Variants in CRISPLD2 observed in about 807,000 individuals in gnomAD.
CRISPLD2 encodes cysteine rich secretory protein LCCL domain containing 2.
CRISPLD2 carries 47 observed loss-of-function variants against 71.1 expected under a neutral mutation model. The observed-to-expected ratio is 0.66, with a 90% confidence interval of 0.52 to 0.84. CRISPLD2 has a LOEUF of 0.84. Among genes scored for constraint, CRISPLD2 ranks in the 40% least tolerant of loss-of-function variants. The pLI, the probability that CRISPLD2 is intolerant of heterozygous loss-of-function variation, is 0.00. For missense variants in CRISPLD2, 830 were observed against 651.1 expected (o/e 1.27, Z -2.99); for synonymous variants, 317 against 250.1 (o/e 1.27, Z -2.52).
At chr16:84,902,903 G>A (rs1311016299) in intron 14 of CRISPLD2, among the ~76,000 whole-genome samples, 1 of 150,032 alleles carries the variant, frequency 6.7e-6, no homozygotes, top group African/African-American at 2.5e-5. Context: ...CTCCCAGGTA[G>A]CTGGGATTAC....
chr16:84,838,772 G>T, intron 2 of CRISPLD2, 37 bp downstream of exon 2: 3 of 1,588,168 alleles, frequency 1.9e-6, no homozygotes, highest in South Asian at 1.1e-5. Context: ...CTGGCACCGG[G>T]GGTGGGGCCT....
intron 13 of CRISPLD2, among the ~76,000 whole-genome samples, chr16:84,887,642 C>T (rs909744738): frequency 4.6e-5 from 7 of 152,146 alleles, no homozygotes; most frequent in Non-Finnish European, 1.0e-4. Context: ...TTTGGGAGGC[C>T]GAGGCGTGTG....
chr16:84,886,693 C>T (rs551282402), intron 13 of CRISPLD2, among the ~76,000 whole-genome samples: 53 of 152,258 alleles, frequency 3.5e-4, no homozygotes, highest in Admixed American at 2.2e-3. Flanking sequence ...CGTGGTGGCG[C>T]ATGCCTGCGA....
In CRISPLD2 at chr16:84,834,743, G is replaced by A. The variant is rs78287761; in HGVS notation, c.-74-3679G>A. ...AGAAGTCTAAGATCAAGGTGCTGGC[G>A]GGGCTGGTTTCTTCTGGGGTCTCTC... On this transcript the variant is annotated intron_variant, in intron 1 of 14. Coordinates refer to ENST00000262424, the MANE Select transcript of CRISPLD2 (RefSeq NM_031476.4). 4.4e-4 allele frequency among the ~76,000 whole-genome samples: 67 copies of A among 152,210 alleles called. 1 individual carries two copies. In the East Asian group the frequency reaches 9.5e-3, roughly 22 times the overall value.
chr16:84,847,171 C>T (rs1035301767), intron 3 of CRISPLD2, among the ~76,000 whole-genome samples: 1 of 152,194 alleles, frequency 6.6e-6, no homozygotes, highest in Admixed American at 6.5e-5. Context: ...TGAGCGTTTG[C>T]TTTCACTTCC....
Position 84,907,756 on chromosome 16 carries a change from C to T in CRISPLD2, c.*1114C>T, listed in dbSNP as rs1047556881. The stretch of plus-strand genomic sequence containing the variant: ...GCAGCTCAGTTTGTGGTTATGAAAC[C>T]GTCTGTGGCCTCATGACAGCGAGAG... On this transcript the variant is annotated 3_prime_UTR_variant, in exon 15 of 15. Transcript: ENST00000262424. 7 of 152,136 alleles carry T rather than the reference C, an allele frequency of 4.6e-5. No homozygotes were observed. The highest frequency in any genetic ancestry group is 1.7e-4 in the African/African-American group (7 of 41,436). 9.4% of individuals were successfully genotyped at this position (152,136 alleles called of 1,614,324 possible).
chr16:84,889,342 G>A lies in CRISPLD2; in HGVS notation c.1418G>A (p.Arg473Lys). 2 of 1,613,510 alleles carry A rather than the reference G, an allele frequency of 1.2e-6. No individual in the cohort carries two copies. The highest frequency in any genetic ancestry group is 2.2e-5 in the South Asian group (2 of 91,034). The change falls in exon 14 of 15, where the codon AGG becomes AAG. Residue 473 changes from arginine to lysine, a missense_variant. Coordinates refer to ENST00000262424, the MANE Select transcript of CRISPLD2 (RefSeq NM_031476.4). ...AAGAAGACCTACGTGGGCTCGCTCA[G>A]GAATGGAGTTCAGTCTGAAAGGTAG... Reference protein sequence around the residue: ...DKKKTYVGSLRNGVQSESLGT... With the variant: ...DKKKTYVGSLKNGVQSESLGT...
chr16:84,853,006 G>T (rs1159537477), intron 5 of CRISPLD2, among the ~76,000 whole-genome samples: 6 of 152,190 alleles, frequency 3.9e-5, no homozygotes, highest in African/African-American at 1.4e-4. Context: ...GGTTGAGGCT[G>T]CAGTGAGCTG....
At chr16:84,876,545 C>A (rs944533058) in intron 11 of CRISPLD2, among the ~76,000 whole-genome samples, 3 of 149,778 alleles carry the variant, frequency 2.0e-5, no homozygotes, top group Admixed American at 2.0e-4. Context: ...GTAATCTTAG[C>A]ACTTTGGGAG....
At position 84,867,184 on chromosome 16, in the gene CRISPLD2, A is replaced by C. The variant is rs539011124; in HGVS notation, c.853+144A>C. Reference sequence around the variant, plus strand: ...AGGGTGCGGCGAAGCTCATGGAGGCACAACCATAAGACGTTTTTCAAAAAC... The same window carrying C: ...AGGGTGCGGCGAAGCTCATGGAGGCCCAACCATAAGACGTTTTTCAAAAAC... On this transcript the variant is annotated intron_variant, in intron 7 of 14. Transcript: ENST00000262424. 14 of 783,054 alleles carry C rather than the reference A, an allele frequency of 1.8e-5. No homozygotes were observed. In the East Asian group the frequency reaches 3.7e-4, roughly 21 times the overall value. 48.5% of individuals were successfully genotyped at this position (783,054 alleles called of 1,614,324 possible). A position where few individuals can be genotyped will look rare whatever the true frequency, so the allele number is the denominator to read the frequency against.
intron 6 of CRISPLD2, among the ~76,000 whole-genome samples, chr16:84,866,302 C>T (rs1177261843): frequency 6.6e-6 from 1 of 150,888 alleles, no homozygotes; most frequent in South Asian, 2.1e-4. Context: ...GGCACAATCT[C>T]GGCTCACTGC....
At chr16:84,879,187 T>G (rs2071546628) in intron 12 of CRISPLD2, among the ~76,000 whole-genome samples, 1 of 152,194 alleles carries the variant, frequency 6.6e-6, no homozygotes, top group African/African-American at 2.4e-5. Flanking sequence ...CGAGTGGGGA[T>G]AACAGCCTTT....
chr16:84,856,983 G>A (rs1045384087), intron 6 of CRISPLD2, among the ~76,000 whole-genome samples: 34 of 152,222 alleles, frequency 2.2e-4, no homozygotes, highest in Admixed American at 8.5e-4. Flanking sequence ...TCCAGAGTAA[G>A]CATGTGTTCC....
intron 14 of CRISPLD2, among the ~76,000 whole-genome samples, chr16:84,902,429 G>A (rs1246500842): frequency 3.3e-5 from 5 of 151,518 alleles, no homozygotes; most frequent in Admixed American, 6.6e-5. Context: ...CTAACAAGGT[G>A]AAACCCCGTC....
chr16:84,822,361 G>T (rs1370949147), intron 1 of CRISPLD2, among the ~76,000 whole-genome samples: 3 of 152,202 alleles, frequency 2.0e-5, no homozygotes, highest in African/African-American at 2.4e-5. Context: ...TTTGTAAGTT[G>T]CATTTGAAAG....
rs1275614780 is a variant in CRISPLD2, at chr16:84,838,573, C to G, written c.78C>G (p.Pro26=). 7 of 1,614,116 alleles carry G rather than the reference C, an allele frequency of 4.3e-6. No homozygotes were observed. The highest frequency in any genetic ancestry group is 2.7e-5 in the African/African-American group (2 of 74,944). The change falls in exon 2 of 15, where the codon CCC becomes CCG. Residue 26 remains proline, a synonymous_variant. Transcript: ENST00000262424. ...GCGGATCCCAAGGCTACCTCCTGCC[C>G]AACGTCACTCTCTTAGAGGAGCTGC... ...LVCGSQGYLL[P]NVTLLEELLS...
At chr16:84,894,458 C>G (rs998622096) in intron 14 of CRISPLD2, among the ~76,000 whole-genome samples, 1 of 152,156 alleles carries the variant, frequency 6.6e-6, no homozygotes, top group African/African-American at 2.4e-5. Context: ...ATCTGAATCG[C>G]AAATTCATTC....
intron 3 of CRISPLD2, 160 bp downstream of exon 3, chr16:84,846,064 C>G: frequency 1.8e-6 from 1 of 542,092 alleles, no homozygotes; most frequent in Non-Finnish European, 3.3e-6. Context: ...TCCAGGAACA[C>G]TCCTGAGTGA....
chr16:84,869,878 G>A (rs1292015253), intron 8 of CRISPLD2, among the ~76,000 whole-genome samples: 1 of 152,250 alleles, frequency 6.6e-6, no homozygotes, highest in African/African-American at 2.4e-5. Context: ...AAAAAGGTGA[G>A]CACGTATTGG....
Sources: gnomAD v4.1 joint callset for allele counts (sites outside exome capture counted in the v4.1 genomes callset) on GRCh38, gnomAD v4.1.1 for gene constraint, MANE v1.5 for transcripts, NCBI Gene and HGNC (gene_info 2026-07-23, HGNC 2026-07-21) for gene names.